TRIM45: variants seen among roughly 807,000 people sequenced by gnomAD.
The protein encoded by TRIM45 is tripartite motif containing 45.
Under a neutral mutation model 46.7 loss-of-function variants are expected in TRIM45, and 45 were observed. That is an observed-to-expected ratio of 0.96 (90% CI 0.76 to 1.24). TRIM45 has a LOEUF of 1.24. Among genes scored for constraint, TRIM45 ranks in the 50% most tolerant of loss-of-function variants. TRIM45 has a pLI of 0.00. For synonymous variants in TRIM45, 259 were observed against 285.8 expected (o/e 0.91, Z 0.94); for missense variants, 680 against 728.4 (o/e 0.93, Z 0.77).
In TRIM45 at chr1:117,120,904, G is replaced by A; in HGVS notation, c.298C>T (p.Gln100Ter). 1.9e-6 allele frequency: 3 copies of A among 1,614,176 alleles called. No individual in the cohort carries two copies. The highest frequency in any genetic ancestry group is 2.5e-6 in the Non-Finnish European group (3 of 1,180,024). ...ACTCCACCCATGGGCAGGTCCACCT[G>A]AGCATCACATACAGGACAAAGGATG... ...IGILCPVCDA[Q>*]VDLPMGGVKA... The change falls in exon 1 of 6, where the codon CAG (glutamine) becomes TAG (stop). Residue 100 changes from glutamine to a stop codon, truncating the protein, a stop_gained. Transcript: ENST00000256649. LOFTEE classifies it high-confidence loss of function.
chr1:117,120,505 G>C (rs186812036), intron 1 of TRIM45, among the ~76,000 whole-genome samples: 1 of 152,316 alleles, frequency 6.6e-6, no homozygotes, highest in East Asian at 1.9e-4. Context: ...TATTGCTATT[G>C]CTATATTAGG....
Position 117,118,799 on chromosome 1 carries a change from A to G in TRIM45, c.489-32T>C, listed in dbSNP as rs771661716. The G allele has an allele frequency of 6.3e-6, 10 of 1,592,998 alleles. No homozygotes were observed. In the Admixed American group the frequency reaches 1.5e-4, roughly 25 times the overall value. On this transcript the variant is annotated intron_variant, in intron 1 of 5. Coordinates refer to ENST00000256649, the MANE Select transcript of TRIM45 (RefSeq NM_025188.4). The surrounding 1 kb of genome is among the most constrained non-coding windows in gnomAD (Gnocchi z 5.7). ...GCAAACAGAATCAGTAACAGGAAAT[A>G]AGGGGATAATTCTGTTGGGAATAGT...
Position 117,116,811 on chromosome 1 carries a change from CT to C in TRIM45, c.1223-67del. Reference sequence around the variant, plus strand: ...CTGCAGTGACTACATCTCCATCTTGCTTTTTCTCTTCAGAACAAAGGGTTGT... The same window carrying C: ...CTGCAGTGACTACATCTCCATCTTGCTTTTCTCTTCAGAACAAAGGGTTGT... On this transcript the variant is annotated intron_variant, in intron 2 of 5. Transcript: ENST00000256649. This position sits in a 1 kb window ranked among gnomAD's most constrained non-coding sequence, Gnocchi z 4.6. 1 of 1,600,940 alleles carries C rather than the reference CT, an allele frequency of 6.2e-7. No individual in the cohort carries two copies. Among genetic ancestry groups the C allele is most frequent in the Non-Finnish European group, 8.5e-7 (1 of 1,171,382 alleles).
Position 117,118,811 on chromosome 1 carries a change from C to T in TRIM45, c.489-44G>A. 1 of 1,576,796 alleles carries T rather than the reference C, an allele frequency of 6.3e-7. No individual in the cohort carries two copies. The highest frequency in any genetic ancestry group is 8.6e-7 in the Non-Finnish European group (1 of 1,161,050). On this transcript the variant is annotated intron_variant, in intron 1 of 5. Transcript: ENST00000256649. This position sits in a 1 kb window ranked among gnomAD's most constrained non-coding sequence, Gnocchi z 5.7. ...AGTAACAGGAAATAAGGGGATAATT[C>T]TGTTGGGAATAGTTGGGCAGAGAGA...
chr1:117,114,983 A>G (rs1438749690), intron 4 of TRIM45, among the ~76,000 whole-genome samples: 2 of 152,032 alleles, frequency 1.3e-5, no homozygotes, highest in Non-Finnish European at 2.9e-5. Context: ...AAAAACTCAT[A>G]CTCTCTAAAG....
chr1:117,114,312 A>C (rs1316997681), intron 4 of TRIM45, among the ~76,000 whole-genome samples: 1 of 152,192 alleles, frequency 6.6e-6, no homozygotes, highest in East Asian at 1.9e-4. Context: ...TTAAACAAAA[A>C]ATATTTATTT....
Position 117,120,959 on chromosome 1 carries a change from G to C in TRIM45, c.243C>G (p.Leu81=), listed in dbSNP as rs773585277. The C allele has an allele frequency of 3.1e-6, 5 of 1,614,086 alleles. No individual in the cohort carries two copies. The highest frequency in any genetic ancestry group is 1.7e-5 in the Admixed American group (1 of 60,008). Residue 81 remains leucine (L), a synonymous_variant, in exon 1 of 6, where the codon CTC becomes CTG. Coordinates refer to ENST00000256649, the MANE Select transcript of TRIM45 (RefSeq NM_025188.4). ...TSSEGSIFQE[L]KPRSLQSQIG... ...TCTGCGACTGCAGACTTCGTGGCTTGAGTTCCTGGAATATTGACCCCTCAG... is the reference window on the plus strand; with the variant it reads ...TCTGCGACTGCAGACTTCGTGGCTTCAGTTCCTGGAATATTGACCCCTCAG...
chr1:117,116,846 G>T lies in TRIM45; in HGVS notation c.1223-101C>A. ...TCAGAACAAAGGGTTGTACTTTACTGTAACCACCCTGGGTCCCTTTGTTTT... is the reference window on the plus strand; with the variant it reads ...TCAGAACAAAGGGTTGTACTTTACTTTAACCACCCTGGGTCCCTTTGTTTT... On this transcript the variant is annotated intron_variant, in intron 2 of 5. Coordinates refer to ENST00000256649, the MANE Select transcript of TRIM45 (RefSeq NM_025188.4). This position sits in a 1 kb window ranked among gnomAD's most constrained non-coding sequence, Gnocchi z 4.6. The T allele has an allele frequency of 6.6e-7, 1 of 1,511,056 alleles. No homozygotes were observed. The highest frequency in any genetic ancestry group is 2.3e-5 in the East Asian group (1 of 43,090). 93.6% of individuals were successfully genotyped at this position (1,511,056 alleles called of 1,614,324 possible).
intron 4 of TRIM45, among the ~76,000 whole-genome samples, chr1:117,114,912 T>A (rs1557845805): frequency 6.6e-6 from 1 of 152,160 alleles, no homozygotes; most frequent in Non-Finnish European, 1.5e-5. Flanking sequence ...GAGGGAAACC[T>A]CTGACTACTC....
chr1:117,123,698 C>T (rs202224029), upstream of TRIM45, among the ~76,000 whole-genome samples: 12 of 151,280 alleles, frequency 7.9e-5, no homozygotes, highest in East Asian at 1.6e-3. Flanking sequence ...GGCAGGATCT[C>T]GGCACACTGC....
chr1:117,114,367 C>T (rs1650324700), intron 4 of TRIM45, among the ~76,000 whole-genome samples: 1 of 152,174 alleles, frequency 6.6e-6, no homozygotes, highest in African/African-American at 2.4e-5. Flanking sequence ...GGCGGGAGTG[C>T]ACTGGCACAT....
In TRIM45 at chr1:117,112,360, G is replaced by A. The variant is rs552025933; in HGVS notation, c.1688C>T (p.Thr563Ile). 26 of 1,614,144 alleles carry A rather than the reference G, an allele frequency of 1.6e-5. No homozygotes were observed. The highest frequency in any genetic ancestry group is 5.0e-5 in the Admixed American group (3 of 60,008). Residue 563 changes from threonine to isoleucine, a missense_variant, in exon 6 of 6, where the codon ACA (threonine) becomes ATA (isoleucine). Around this residue, in one of 3 missense-constraint regions of TRIM45, gnomAD observed 322 missense variants for 359.3 expected, o/e 0.90. Transcript: ENST00000256649. ...CGKFNEKSEC[T>I]WTGGQSAPRS... is the part of the protein sequence containing the mutation. ...CGGTGCGCTCTGCCCACCTGTCCAT[G>A]TGCATTCAGATTTCTCATTAAATTT...
At position 117,113,362 on chromosome 1, in the gene TRIM45, G is replaced by A. The variant is rs756590923; in HGVS notation, c.1591C>T (p.Pro531Ser). ...TARCACGGTM[P>S]GGYLGCGHGH... ...GAGGGTAGTGCTTTCTCCTTACCTG[G>A]CATGGTGCCTCCACAGGCGCAGCGA... Residue 531 changes from proline to serine, a missense_variant, in exon 5 of 6, where the codon CCA becomes TCA. By Grantham distance (74) the Pro-to-Ser change is moderately conservative (BLOSUM62 -1). Transcript: ENST00000256649. The surrounding 1 kb of genome is among the most constrained non-coding windows in gnomAD (Gnocchi z 4.0). 7.4e-6 allele frequency: 12 copies of A among 1,611,936 alleles called. No homozygotes were observed. In the African/African-American group the frequency reaches 1.2e-4, roughly 16 times the overall value.
Position 117,116,859 on chromosome 1 carries a change from G to T in TRIM45, c.1223-114C>A, listed in dbSNP as rs1340392357. 3.5e-6 allele frequency: 5 copies of T among 1,441,396 alleles called. No individual in the cohort carries two copies. The highest frequency in any genetic ancestry group is 4.7e-6 in the Non-Finnish European group (5 of 1,066,266). 89.3% of individuals were successfully genotyped at this position (1,441,396 alleles called of 1,614,324 possible). ...TTGTACTTTACTGTAACCACCCTGG[G>T]TCCCTTTGTTTTCTCTTCCCCTTCT... is the stretch of plus-strand genomic sequence containing the variant. On this transcript the variant is annotated intron_variant, in intron 2 of 5. Transcript: ENST00000256649. The surrounding 1 kb of genome is among the most constrained non-coding windows in gnomAD (Gnocchi z 4.6).
chr1:117,121,391 T>C lies in TRIM45; in HGVS notation c.-190A>G. 2 of 631,630 alleles carry C rather than the reference T, an allele frequency of 3.2e-6. No homozygotes were observed. Among genetic ancestry groups the C allele is most frequent in the Non-Finnish European group, 5.3e-6 (2 of 379,694 alleles). The allele number at this position is 631,630 out of a possible 1,614,324, so 39.1% of individuals were successfully genotyped here. A position where few individuals can be genotyped will look rare whatever the true frequency, so the allele number is the denominator to read the frequency against. On this transcript the variant is annotated 5_prime_UTR_variant, in exon 1 of 6. Coordinates refer to ENST00000256649, the MANE Select transcript of TRIM45 (RefSeq NM_025188.4). The surrounding 1 kb of genome is among the most constrained non-coding windows in gnomAD (Gnocchi z 4.2). Reference sequence around the variant, plus strand: ...TCGAAGGAATCACCCACAGATCTACTCAGGAGGGCCCCCTCCTTTCCACTG... The same window carrying C: ...TCGAAGGAATCACCCACAGATCTACCCAGGAGGGCCCCCTCCTTTCCACTG...
Position 117,118,746 on chromosome 1 carries a change from G to T in TRIM45, c.510C>A (p.Tyr170Ter). The change falls in exon 2 of 6, where the codon TAC (tyrosine) becomes TAA (stop). Residue 170 changes from tyrosine (Y) to a stop codon, truncating the protein, a stop_gained. Transcript: ENST00000256649. LOFTEE classifies it high-confidence loss of function. This position sits in a 1 kb window ranked among gnomAD's most constrained non-coding sequence, Gnocchi z 5.7. ...QAHRRQKKTT[Y>*]HTMVDLKDLK... Reference sequence around the variant, plus strand: ...AGTCTTTTAGGTCCACCATGGTGTGGTAAGTCGTTTTCTTCTGCCGCCTAG... The same window carrying T: ...AGTCTTTTAGGTCCACCATGGTGTGTTAAGTCGTTTTCTTCTGCCGCCTAG... 2 of 1,612,582 alleles carry T rather than the reference G, an allele frequency of 1.2e-6. No individual in the cohort carries two copies. The highest frequency in any genetic ancestry group is 1.7e-6 in the Non-Finnish European group (2 of 1,179,440).
In TRIM45 at chr1:117,121,113, G is replaced by C. The variant is rs1223225596; in HGVS notation, c.89C>G (p.Pro30Arg). Residue 30 changes from proline to arginine, a missense_variant, in exon 1 of 6, where the codon CCC becomes CGC. Physicochemically the swap from Pro to Arg is moderately radical, Grantham distance 103. This residue lies in a region of TRIM45 where 349 missense variants were observed against 343.6 expected (regional missense o/e 1.02). Transcript: ENST00000256649. This position sits in a 1 kb window ranked among gnomAD's most constrained non-coding sequence, Gnocchi z 4.2. Reference protein sequence around the residue: ...ALGNSGKTHCPLCLGLFKAPR... With the variant: ...ALGNSGKTHCRLCLGLFKAPR... ...GGCTTTGAAAAGCCCCAAGCACAGG[G>C]GGCAGTGAGTCTTGCCTGAGTTCCC... 6.2e-7 allele frequency: 1 copy of C among 1,613,158 alleles called. No individual in the cohort carries two copies. Among genetic ancestry groups the C allele is most frequent in the Admixed American group, 1.7e-5 (1 of 59,852 alleles).
At chr1:117,114,674 C>G (rs1281472264) in intron 4 of TRIM45, among the ~76,000 whole-genome samples, 1 of 152,222 alleles carries the variant, frequency 6.6e-6, no homozygotes, top group East Asian at 1.9e-4. Flanking sequence ...TATTTTAATG[C>G]AAGTTTGGTG....
chr1:117,122,664 CA>C (rs1488684354), upstream of TRIM45: 2 of 152,262 alleles, frequency 1.3e-5, no homozygotes, highest in South Asian at 2.1e-4. Flanking sequence ...CACAGTGAGA[CA>C]ATGGACGGTG....
Sources: gnomAD v4.1 joint callset for allele counts (sites outside exome capture counted in the v4.1 genomes callset) on GRCh38, gnomAD v4.1.1 for gene constraint, gnomAD v4.1.1 regional missense constraint, Gnocchi (gnomAD v3.1) non-coding constraint, MANE v1.5 for transcripts, NCBI Gene and HGNC (gene_info 2026-07-23, HGNC 2026-07-21) for gene names.